The following UNC79 variants were observed in gnomAD, a reference collection of about 807,000 sequenced individuals.
The protein encoded by UNC79 is unc-79 subunit of NALCN channel complex.
In UNC79, 37 loss-of-function variants were observed where a neutral mutation model predicts 283.1. The ratio of observed to expected loss-of-function variants is 0.13; its 90% CI spans 0.10 to 0.17. The LOEUF (loss-of-function observed/expected upper bound fraction) is 0.17, where lower values mean the gene tolerates loss of function less well. Ranked by LOEUF, UNC79 falls within the 10% of genes least tolerant of loss-of-function variation. The pLI is 1.00. For synonymous variants in UNC79, 1,107 were observed against 1,200.2 expected, an observed-to-expected ratio of 0.92 and a Z score of 1.61; for missense variants, 2,272 against 3,211.1, an observed-to-expected ratio of 0.71 and a Z score of 7.07.
intron 22 of UNC79, among the ~76,000 whole-genome samples, chr14:93,589,194 T>G (rs1878349874): frequency 6.6e-6 from 1 of 152,078 alleles, no homozygotes; most frequent in Admixed American, 6.5e-5. Flanking sequence ...TTTGGGTTTC[T>G]TTTTCTCCGG....
At chr14:93,624,250 T>C (rs1001653735) in intron 30 of UNC79, among the ~76,000 whole-genome samples, 7 of 152,130 alleles carry the variant, frequency 4.6e-5, no homozygotes, top group African/African-American at 1.4e-4. Context: ...AAAAACGCGC[T>C]GTAAAAATCT....
chr14:93,691,629 C>A (rs1351821251), intron 45 of UNC79, 120 bp from the exon 49 acceptor site: 7 of 976,460 alleles, frequency 7.2e-6, no homozygotes, highest in Admixed American at 3.5e-5. Context: ...TCTGAGATAA[C>A]GTTATGCCTT....
At chr14:93,367,751 T>A (rs959486885) in intron 1 of UNC79, among the ~76,000 whole-genome samples, 2 of 152,176 alleles carry the variant, frequency 1.3e-5, no homozygotes, top group Non-Finnish European at 2.9e-5. Context: ...TCTTGAGCAG[T>A]GTTAAGGGCA....
At chr14:93,333,511 G>A (rs541016594) in exon 1 of UNC79, 2 of 398,446 alleles carry the variant, frequency 5.0e-6, no homozygotes, top group South Asian at 2.6e-4. Flanking sequence ...TTGGCAGTGA[G>A]CACTTGTCTA....
chr14:93,335,356 C>T (rs183963499), intron 1 of UNC79, among the ~76,000 whole-genome samples: 69 of 152,248 alleles, frequency 4.5e-4, no homozygotes, highest in East Asian at 1.9e-3. Flanking sequence ...TAGTTCAGTC[C>T]GATACACATT....
At chr14:93,502,489 T>C (rs1301053127) in intron 7 of UNC79, among the ~76,000 whole-genome samples, 1 of 152,192 alleles carries the variant, frequency 6.6e-6, no homozygotes, top group Non-Finnish European at 1.5e-5. Context: ...AAATGACTTT[T>C]TCTCCTGTTT....
chr14:93,483,753 G>C (rs4905074), intron 4 of UNC79, among the ~76,000 whole-genome samples: 150,270 of 150,584 alleles, frequency 1, 74,983 homozygotes, highest in Middle Eastern at 1. Flanking sequence ...GGTGTTCTCA[G>C]TGTTCAATTC....
rs117164912 is a variant in UNC79, at chr14:93,637,975, T to G, written c.5800+676T>G. 2.8e-4 allele frequency among the ~76,000 whole-genome samples: 43 copies of G among 152,370 alleles called. No individual in the cohort carries two copies. In the East Asian group the frequency reaches 8.3e-3, roughly 29 times the overall value. ...TCTCTGAAGTATACATTGAAAAGAT[T>G]CACTTGAATTGATGCTGCTCACAGA... On this transcript the variant is annotated intron_variant, in intron 32 of 48. Coordinates refer to ENST00000555664, the Ensembl canonical transcript of UNC79.
intron 10 of UNC79, 72 bp from the exon 11 acceptor site, chr14:93,532,478 A>G: frequency 6.5e-7 from 1 of 1,527,752 alleles, no homozygotes; most frequent in Non-Finnish European, 8.9e-7. Context: ...TCAAAAAATA[A>G]ATTAATTAAT....
At chr14:93,578,963 T>C (rs2063626086) in intron 18 of UNC79, among the ~76,000 whole-genome samples, 1 of 152,146 alleles carries the variant, frequency 6.6e-6, no homozygotes, top group Non-Finnish European at 1.5e-5. Flanking sequence ...GTCCTTGACT[T>C]TTTTTTAAAA....
intron 7 of UNC79, among the ~76,000 whole-genome samples, chr14:93,518,612 T>C (rs1251561551): frequency 1.3e-5 from 2 of 151,920 alleles, no homozygotes; most frequent in African/African-American, 4.8e-5. Flanking sequence ...TTTTCTGTCT[T>C]CTTAAGGGAG....
At chr14:93,672,454 T>TA (rs546216639) in intron 40 of UNC79, among the ~76,000 whole-genome samples, 18 of 152,194 alleles carry the variant, frequency 1.2e-4, no homozygotes, top group Admixed American at 3.9e-4. Flanking sequence ...ATGGGGATGC[T>TA]AAAAAAAGAT....
intron 1 of UNC79, among the ~76,000 whole-genome samples, chr14:93,419,214 G>T (rs2055536568): frequency 6.7e-6 from 1 of 150,150 alleles, no homozygotes; most frequent in Non-Finnish European, 1.5e-5. Context: ...TGTCACCCAG[G>T]CTGGAGTGCA....
intron 1 of UNC79, among the ~76,000 whole-genome samples, chr14:93,455,602 G>A (rs2140189374): frequency 6.6e-6 from 1 of 152,204 alleles, no homozygotes; most frequent in Non-Finnish European, 1.5e-5. Flanking sequence ...AAGGGACAGA[G>A]TTTTGAACTG....
intron 14 of UNC79, among the ~76,000 whole-genome samples, chr14:93,566,447 T>A (rs2141519223): frequency 6.6e-6 from 1 of 152,214 alleles, no homozygotes; most frequent in South Asian, 2.1e-4. Context: ...CAGGCTGGGC[T>A]GGGCAGAGCA....
intron 14 of UNC79, among the ~76,000 whole-genome samples, chr14:93,549,604 T>C (rs959321503): frequency 2.0e-5 from 3 of 152,194 alleles, no homozygotes; most frequent in African/African-American, 7.2e-5. Context: ...AGAGATTAAT[T>C]GAGCAAAGAA....
At chr14:93,566,644 T>TC (rs2062901812) in intron 14 of UNC79, among the ~76,000 whole-genome samples, 1 of 151,384 alleles carries the variant, frequency 6.6e-6, no homozygotes. Context: ...CTGGAATTTT[T>TC]TTTTTTTTTT....
rs183162779 is a variant in UNC79, at chr14:93,370,113, T to C, written c.-351+36590T>C. 5.7e-3 allele frequency among the ~76,000 whole-genome samples: 869 copies of C among 152,264 alleles called. 6 individuals are homozygous for C. Among genetic ancestry groups the C allele is most frequent in the African/African-American group, 0.019 (775 of 41,560 alleles). On this transcript the variant is annotated intron_variant, in intron 1 of 49. Transcript: ENST00000256339. ...ATCACTACATTACTAAAGACCTATT[T>C]ATGGCAGTTCCTTTTACCTGGCACA...
At position 93,603,436 on chromosome 14, in the gene UNC79, A is replaced by G. The variant is rs952481955; in HGVS notation, c.3754+18A>G. 3.1e-6 allele frequency: 5 copies of G among 1,612,352 alleles called. No homozygotes were observed. The highest frequency in any genetic ancestry group is 2.7e-5 in the African/African-American group (2 of 74,842). On this transcript the variant is annotated intron_variant, in intron 26 of 48. Transcript: ENST00000555664. ...CAAAATTCGTTGAGTATCTTCTTTC[A>G]TCCTTCCGTTAAATCTGTTTAATGT...
Sources: allele counts gnomAD v4.1 joint callset (sites outside exome capture counted in the v4.1 genomes callset), GRCh38; gene constraint gnomAD v4.1.1; transcripts MANE v1.5; gene names NCBI Gene and HGNC (gene_info 2026-07-23, HGNC 2026-07-21).